Variants in CDH18 observed in about 807,000 individuals in gnomAD.
CDH18 encodes cadherin 18, also known as cadherin-18.
Under a neutral mutation model 67.9 loss-of-function variants are expected in CDH18, and 31 were observed. The ratio of observed to expected loss-of-function variants is 0.46; its 90% confidence interval spans 0.34 to 0.62. CDH18 has a LOEUF of 0.62. Among genes scored for constraint, CDH18 ranks in the 20% least tolerant of loss-of-function variants. The probability of loss-of-function intolerance (pLI) is 0.01; values close to 1 mark genes in which losing one functional copy is unlikely to be tolerated. For missense variants in CDH18, 890 were observed against 975.5 expected (o/e 0.91, Z 1.17); for synonymous variants, 362 against 347.2 (o/e 1.04, Z -0.48).
chr5:20,177,728 G>C (rs1737351914), intron 2 of CDH18, among the ~76,000 whole-genome samples: 2 of 152,056 alleles, frequency 1.3e-5, no homozygotes, highest in African/African-American at 4.8e-5. Context: ...GACCCAGTGG[G>C]AGATAATTGA....
chr5:19,910,391 G>C (rs910356690), intron 2 of CDH18, among the ~76,000 whole-genome samples: 1 of 152,060 alleles, frequency 6.6e-6, no homozygotes, highest in Admixed American at 6.6e-5. Flanking sequence ...AGGGATCTAC[G>C]CTCCATTAAG....
chr5:20,113,183 C>T (rs957069298), intron 2 of CDH18, among the ~76,000 whole-genome samples: 1 of 152,104 alleles, frequency 6.6e-6, no homozygotes, highest in African/African-American at 2.4e-5. Context: ...AATACTGAGT[C>T]ATGATTCACC....
chr5:19,519,916 A>T (rs1021630686), intron 10 of CDH18, among the ~76,000 whole-genome samples: 2 of 152,178 alleles, frequency 1.3e-5, no homozygotes, highest in Non-Finnish European at 2.9e-5. Context: ...CACCTTGATT[A>T]TAGTCTTGCG....
intron 2 of CDH18, among the ~76,000 whole-genome samples, chr5:19,895,890 G>A (rs1255297330): frequency 6.6e-6 from 1 of 152,062 alleles, no homozygotes; most frequent in Non-Finnish European, 1.5e-5. Flanking sequence ...GGTAGACATG[G>A]TAAAAGGGGC....
chr5:19,841,432 A>G (rs964501349), intron 2 of CDH18, among the ~76,000 whole-genome samples: 30 of 152,080 alleles, frequency 2.0e-4, no homozygotes, highest in African/African-American at 6.7e-4. Flanking sequence ...TTTCAGTCTC[A>G]CTGCCCTCAT....
chr5:20,486,037 G>A lies in CDH18; in HGVS notation c.-580+89425C>T, dbSNP rs1581091364. On this transcript the variant is annotated intron_variant, in intron 1 of 14. Coordinates refer to the CDH18 transcript ENST00000507958. ...GCTTGTTATTTGGCTGGATGATCCC[G>A]ATTATGAAGGGTTAAAAGAGTTGCT... 3.3e-5 allele frequency among the ~76,000 whole-genome samples: 5 copies of A among 152,258 alleles called. 1 individual carries two copies. The highest frequency in any genetic ancestry group is 3.3e-4 in the Admixed American group (5 of 15,298).
chr5:20,216,849 G>A (rs1740819688), intron 2 of CDH18, among the ~76,000 whole-genome samples: 1 of 151,806 alleles, frequency 6.6e-6, no homozygotes, highest in South Asian at 2.1e-4. Flanking sequence ...TATGGTCAAA[G>A]ACAAAGGAAG....
At chr5:19,724,196 T>G (rs1010532668) in intron 4 of CDH18, among the ~76,000 whole-genome samples, 6 of 152,168 alleles carry the variant, frequency 3.9e-5, no homozygotes, top group African/African-American at 9.7e-5. Context: ...ATGAATAGAC[T>G]ATGGGTACAT....
intron 11 of CDH18, among the ~76,000 whole-genome samples, chr5:19,488,962 A>G (rs1488185247): frequency 6.6e-6 from 1 of 152,062 alleles, no homozygotes; most frequent in Non-Finnish European, 1.5e-5. Context: ...CTTTCTGCCA[A>G]ACTACAAATG....
intron 2 of CDH18, among the ~76,000 whole-genome samples, chr5:20,009,336 T>C (rs1420676630): frequency 6.6e-6 from 1 of 152,100 alleles, no homozygotes; most frequent in African/African-American, 2.4e-5. Flanking sequence ...ACATACATGA[T>C]AGTGTATTCT....
chr5:19,620,236 CAT>C (rs890716186), intron 5 of CDH18, among the ~76,000 whole-genome samples: 66 of 152,296 alleles, frequency 4.3e-4, no homozygotes, highest in African/African-American at 1.5e-3. Context: ...GGATAATTCA[CAT>C]GTTTTCTGTA....
chr5:19,986,145 G>A (rs370743135), intron 1 of CDH18, among the ~76,000 whole-genome samples: 1 of 152,030 alleles, frequency 6.6e-6, no homozygotes, highest in Non-Finnish European at 1.5e-5. Context: ...TTATAAAGTT[G>A]GAATAAATGA....
At position 19,804,307 on chromosome 5, in the gene CDH18, A is replaced by AT. The variant is rs1159735715; in HGVS notation, c.228+34451_228+34452insA. 9.4e-5 allele frequency among the ~76,000 whole-genome samples: 14 copies of AT among 149,540 alleles called. 1 individual carries two copies. The highest frequency in any genetic ancestry group is 2.2e-4 in the African/African-American group (9 of 40,654). ...ACAGAGCGAGATTCCATCTCAAAAA[A>AT]AAAAAAATAAATAAAATAAATAAAT... On this transcript the variant is annotated intron_variant, in intron 3 of 12. Transcript: ENST00000382275.
chr5:19,713,144 G>A (rs1764926361), intron 5 of CDH18, among the ~76,000 whole-genome samples: 1 of 151,512 alleles, frequency 6.6e-6, no homozygotes, highest in Admixed American at 6.6e-5. Context: ...GATGCAGGAG[G>A]CATAGAGCGA....
At chr5:20,034,234 C>T (rs1489579894) in intron 2 of CDH18, among the ~76,000 whole-genome samples, 2 of 151,944 alleles carry the variant, frequency 1.3e-5, no homozygotes, top group East Asian at 3.9e-4. Flanking sequence ...AAGTACTTTC[C>T]TATCTACCAA....
At chr5:19,639,660 G>A (rs772322315) in intron 5 of CDH18, among the ~76,000 whole-genome samples, 2 of 152,164 alleles carry the variant, frequency 1.3e-5, no homozygotes, top group Non-Finnish European at 2.9e-5. Flanking sequence ...GCACACAAGT[G>A]CTATAAACAT....
intron 2 of CDH18, among the ~76,000 whole-genome samples, chr5:20,200,455 C>A (rs116326523): frequency 0.013 from 1,948 of 152,210 alleles, 42 homozygotes; most frequent in African/African-American, 0.044. Context: ...AGGCAGATGT[C>A]TTGAGCTCAG....
At chr5:20,137,856 T>C (rs1471048939) in intron 2 of CDH18, among the ~76,000 whole-genome samples, 1 of 152,062 alleles carries the variant, frequency 6.6e-6, no homozygotes, top group Non-Finnish European at 1.5e-5. Flanking sequence ...CAGGATCATA[T>C]GGATTCACAG....
chr5:20,508,011 C>T (rs1311290263), intron 1 of CDH18, among the ~76,000 whole-genome samples: 1 of 151,780 alleles, frequency 6.6e-6, no homozygotes, highest in Non-Finnish European at 1.5e-5. Flanking sequence ...TTCCATTTAT[C>T]AAGGAAGAAA....
Sources: allele counts gnomAD v4.1 joint callset (sites outside exome capture counted in the v4.1 genomes callset), GRCh38; gene constraint gnomAD v4.1.1; transcripts MANE v1.5; gene names NCBI Gene and HGNC (gene_info 2026-07-23, HGNC 2026-07-21).